TNR: variants seen among roughly 807,000 people sequenced by gnomAD.
TNR encodes the protein tenascin R.
In TNR, 45 loss-of-function variants were observed where a neutral mutation model predicts 150.4. The observed-to-expected ratio is 0.30, with a 90% CI of 0.24 to 0.38. TNR has a LOEUF of 0.38. Ranked by LOEUF, TNR falls within the 10% of genes least tolerant of loss-of-function variation. The pLI, the probability that TNR is intolerant of heterozygous loss-of-function variation, is 1.00. For synonymous variants in TNR, 687 were observed against 678.4 expected (o/e 1.01, Z -0.20); for missense variants, 1,544 against 1,759.1 (o/e 0.88, Z 2.19).
chr1:175,428,654 T>C (rs1034379499), intron 2 of TNR, among the ~76,000 whole-genome samples: 21 of 152,182 alleles, frequency 1.4e-4, no homozygotes, highest in Middle Eastern at 3.2e-3. Flanking sequence ...AGGCATAATA[T>C]TATATGTTGG....
At chr1:175,491,561 C>T (rs1183537334) in intron 2 of TNR, among the ~76,000 whole-genome samples, 1 of 150,912 alleles carries the variant, frequency 6.6e-6, no homozygotes, top group African/African-American at 2.4e-5. Flanking sequence ...GTGGAAGCAT[C>T]TAGACTTTCT....
intron 18 of TNR, among the ~76,000 whole-genome samples, chr1:175,352,979 T>A (rs925909364): frequency 1.1e-4 from 17 of 152,106 alleles, no homozygotes; most frequent in African/African-American, 4.1e-4. Context: ...TGGACGGGAA[T>A]CCAGTCATTC....
At chr1:175,484,220 A>T (rs1343020372) in intron 2 of TNR, among the ~76,000 whole-genome samples, 2 of 152,184 alleles carry the variant, frequency 1.3e-5, no homozygotes, top group African/African-American at 4.8e-5. Flanking sequence ...AATTTTCAAT[A>T]ATGAAACTCT....
chr1:175,682,234 CT>C (rs1666055791), intron 1 of TNR, among the ~76,000 whole-genome samples: 1 of 152,180 alleles, frequency 6.6e-6, no homozygotes, highest in Non-Finnish European at 1.5e-5. Context: ...ACTATGCTCA[CT>C]TGTGGTCATG....
intron 1 of TNR, among the ~76,000 whole-genome samples, chr1:175,702,672 T>A (rs1032644379): frequency 1.4e-4 from 21 of 152,174 alleles, no homozygotes; most frequent in African/African-American, 5.1e-4. Context: ...AGAAAACATT[T>A]CCATCCGAAT....
chr1:175,586,335 C>T (rs1301436537), intron 1 of TNR, among the ~76,000 whole-genome samples: 3 of 152,152 alleles, frequency 2.0e-5, no homozygotes, highest in African/African-American at 7.2e-5. Context: ...CTTCTACCCC[C>T]TTCTCTTTTC....
intron 1 of TNR, among the ~76,000 whole-genome samples, chr1:175,551,007 G>T (rs560973909): frequency 1.3e-5 from 2 of 152,218 alleles, no homozygotes; most frequent in South Asian, 2.1e-4. Flanking sequence ...AAGAAAATTA[G>T]GTGATCCATC....
At chr1:175,683,120 T>C (rs890789215) in intron 1 of TNR, among the ~76,000 whole-genome samples, 2 of 152,144 alleles carry the variant, frequency 1.3e-5, no homozygotes, top group Admixed American at 6.5e-5. Flanking sequence ...TCCACTTGAA[T>C]GACTTTGTGC....
chr1:175,328,966 C>T (rs1649566608), intron 21 of TNR, among the ~76,000 whole-genome samples: 1 of 152,254 alleles, frequency 6.6e-6, no homozygotes, highest in Admixed American at 6.5e-5. Flanking sequence ...GTTTAATATG[C>T]TCCATTTCAA....
At chr1:175,402,731 G>A (rs1045369892) in intron 4 of TNR, among the ~76,000 whole-genome samples, 1 of 152,162 alleles carries the variant, frequency 6.6e-6, no homozygotes, top group African/African-American at 2.4e-5. Context: ...TATGGCAACT[G>A]GTGAGGGAGA....
chr1:175,729,467 T>A (rs1468008942), intron 1 of TNR, among the ~76,000 whole-genome samples: 2 of 152,072 alleles, frequency 1.3e-5, no homozygotes, highest in African/African-American at 2.4e-5. Flanking sequence ...TCTTGCTCTG[T>A]CTCCACGCCA....
intron 2 of TNR, among the ~76,000 whole-genome samples, chr1:175,473,148 G>T (rs1202080917): frequency 6.6e-6 from 1 of 152,134 alleles, no homozygotes; most frequent in Non-Finnish European, 1.5e-5. Context: ...TCCTAGTGAG[G>T]ATTGTCTAAC....
At chr1:175,530,979 T>C (rs1049835719) in intron 1 of TNR, among the ~76,000 whole-genome samples, 2 of 152,182 alleles carry the variant, frequency 1.3e-5, no homozygotes, top group African/African-American at 4.8e-5. Flanking sequence ...AAGAAGAGGA[T>C]ACAGCCACCA....
At chr1:175,326,913 G>A (rs995098087) in intron 21 of TNR, among the ~76,000 whole-genome samples, 18 of 151,304 alleles carry the variant, frequency 1.2e-4, no homozygotes, top group Admixed American at 9.2e-4. Flanking sequence ...TGATCTGCCC[G>A]CCTCGGCCTC....
At chr1:175,376,301 G>C (rs971740449) in intron 9 of TNR, among the ~76,000 whole-genome samples, 1 of 152,232 alleles carries the variant, frequency 6.6e-6, no homozygotes, top group Non-Finnish European at 1.5e-5. Flanking sequence ...TTACTGAGTA[G>C]TTTGTTGTCA....
intron 1 of TNR, among the ~76,000 whole-genome samples, chr1:175,606,618 G>T (rs955913465): frequency 1.3e-5 from 2 of 152,156 alleles, no homozygotes; most frequent in African/African-American, 2.4e-5. Flanking sequence ...TCCTGAACAT[G>T]ACTTATGGAT....
At chr1:175,364,960 C>A (rs1461521779) in intron 12 of TNR, 50 bp downstream of exon 12, 1 of 1,546,246 alleles carries the variant, frequency 6.5e-7, no homozygotes, top group Non-Finnish European at 8.7e-7. Flanking sequence ...TTGTCAAAGG[C>A]TACTGTGAAA....
At chr1:175,658,514 A>G (rs1227445269) in intron 1 of TNR, among the ~76,000 whole-genome samples, 8 of 152,158 alleles carry the variant, frequency 5.3e-5, no homozygotes, top group Non-Finnish European at 8.8e-5. Flanking sequence ...CTGCTAAATC[A>G]TGGGCTGCAA....
intron 2 of TNR, among the ~76,000 whole-genome samples, chr1:175,462,662 T>G (rs909164854): frequency 1.3e-5 from 2 of 152,232 alleles, no homozygotes; most frequent in Non-Finnish European, 2.9e-5. Context: ...GGGAACTAGT[T>G]CTGGAATCAT....
Sources: allele counts gnomAD v4.1 joint callset (sites outside exome capture counted in the v4.1 genomes callset), GRCh38; gene constraint gnomAD v4.1.1; transcripts MANE v1.5; gene names NCBI Gene and HGNC (gene_info 2026-07-23, HGNC 2026-07-21).